Variants in KLHL5 observed in about 807,000 individuals in gnomAD.
KLHL5 encodes the protein kelch-like protein 5.
In KLHL5, 48 loss-of-function variants were observed where a neutral mutation model predicts 77.7. That is an observed-to-expected ratio of 0.62 (90% CI 0.49 to 0.79). The LOEUF (loss-of-function observed/expected upper bound fraction) is 0.79. Among genes scored for constraint, KLHL5 ranks in the 30% least tolerant of loss-of-function variants. The pLI is 0.00. For missense variants in KLHL5, 723 were observed against 859.7 expected (o/e 0.84, Z 1.99); for synonymous variants, 260 against 297.0 (o/e 0.88, Z 1.28).
chr4:39,049,586 C>T (rs375297906), intron 1 of KLHL5, among the ~76,000 whole-genome samples: 45 of 151,596 alleles, frequency 3.0e-4, no homozygotes, highest in African/African-American at 9.7e-4. Flanking sequence ...TCCTTGGGGG[C>T]GGGGGTAGGG....
At chr4:39,088,500 C>A (rs191678945) in intron 5 of KLHL5, among the ~76,000 whole-genome samples, 3 of 152,038 alleles carry the variant, frequency 2.0e-5, no homozygotes, top group African/African-American at 7.3e-5. Flanking sequence ...GGACTTGAAC[C>A]CAAGTACAGT....
At chr4:39,076,323 G>GGT (rs1719035074) in intron 2 of KLHL5, among the ~76,000 whole-genome samples, 176 bp downstream of exon 2, 1 of 152,106 alleles carries the variant, frequency 6.6e-6, no homozygotes, top group African/African-American at 2.4e-5. Flanking sequence ...GATCCTAAAA[G>GGT]GGTCATTTTC....
chr4:39,097,116 G>C (rs1056752107), intron 6 of KLHL5, among the ~76,000 whole-genome samples: 1 of 152,042 alleles, frequency 6.6e-6, no homozygotes, highest in Non-Finnish European at 1.5e-5. Flanking sequence ...GTACAAATCT[G>C]GGATAATTTG....
At chr4:39,046,443 A>G (rs1716194579) in intron 1 of KLHL5, among the ~76,000 whole-genome samples, 1 of 152,160 alleles carries the variant, frequency 6.6e-6, no homozygotes, top group Non-Finnish European at 1.5e-5. Flanking sequence ...AGAAAAAGGA[A>G]CAACATAAGT....
At chr4:39,095,955 A>G (rs986413600) in intron 5 of KLHL5, among the ~76,000 whole-genome samples, 8 of 152,066 alleles carry the variant, frequency 5.3e-5, no homozygotes, top group African/African-American at 1.9e-4. Context: ...GAAAGGCTGC[A>G]CACCAGGTTG....
chr4:39,055,076 C>A (rs974168176), intron 1 of KLHL5, among the ~76,000 whole-genome samples: 1 of 152,182 alleles, frequency 6.6e-6, no homozygotes, highest in Non-Finnish European at 1.5e-5. Context: ...AAAATTCTAT[C>A]AAGTTGGATA....
At chr4:39,060,320 G>C (rs1299694830), upstream of KLHL5, among the ~76,000 whole-genome samples, 1 of 152,132 alleles carries the variant, frequency 6.6e-6, no homozygotes. Context: ...ATTACCATGG[G>C]AATGAGTGGA....
chr4:39,127,574 C>A (rs982352620), downstream of KLHL5, among the ~76,000 whole-genome samples: 2 of 152,098 alleles, frequency 1.3e-5, no homozygotes, highest in Non-Finnish European at 2.9e-5. Flanking sequence ...TCAGCCTCAG[C>A]CTCTCAGTAG....
At chr4:39,099,402 C>T (rs1721352543) in intron 6 of KLHL5, among the ~76,000 whole-genome samples, 1 of 152,156 alleles carries the variant, frequency 6.6e-6, no homozygotes, top group Non-Finnish European at 1.5e-5. Context: ...GCATTGATCT[C>T]CCCTTTCTTT....
chr4:39,110,872 T>C (rs1722409517), intron 8 of KLHL5, among the ~76,000 whole-genome samples: 2 of 152,206 alleles, frequency 1.3e-5, no homozygotes, highest in Admixed American at 1.3e-4. Context: ...ATAATATTTC[T>C]CTTTTTATTG....
At chr4:39,084,909 T>G (rs2109397983) in intron 4 of KLHL5, among the ~76,000 whole-genome samples, 1 of 152,332 alleles carries the variant, frequency 6.6e-6, no homozygotes, top group South Asian at 2.1e-4. Flanking sequence ...TAATGCTTAT[T>G]TAATATACAG....
chr4:39,111,516 G>A (rs1306685726), intron 8 of KLHL5, among the ~76,000 whole-genome samples: 1 of 151,026 alleles, frequency 6.6e-6, no homozygotes, highest in Non-Finnish European at 1.5e-5. Flanking sequence ...GTGTGCACAC[G>A]TGTGCACACA....
chr4:39,065,510 C>A (rs749841005), intron 1 of KLHL5, among the ~76,000 whole-genome samples: 2 of 151,920 alleles, frequency 1.3e-5, no homozygotes, highest in Admixed American at 6.6e-5. Context: ...TGTGCCACCA[C>A]TCCCGGCTAA....
chr4:39,093,252 C>T (rs1413924800), intron 5 of KLHL5: 3 of 429,476 alleles, frequency 7.0e-6, no homozygotes, highest in South Asian at 3.3e-5. Flanking sequence ...AAGCAAGACA[C>T]CAGAGTCTCC....
At chr4:39,136,700 G>A in the KLHL5 span, among the ~76,000 whole-genome samples, 2 of 152,194 alleles carry the variant, frequency 1.3e-5, no homozygotes, top group Non-Finnish European at 2.9e-5. Context: ...TAGGATGAGG[G>A]AGATATCCAC....
At chr4:39,053,972 G>C (rs1716837962) in intron 1 of KLHL5, among the ~76,000 whole-genome samples, 1 of 152,110 alleles carries the variant, frequency 6.6e-6, no homozygotes, top group African/African-American at 2.4e-5. Context: ...TGTCATTTTG[G>C]CATTTAACTG....
intron 5 of KLHL5, chr4:39,093,352 A>G: frequency 2.2e-6 from 1 of 454,054 alleles, no homozygotes; most frequent in Non-Finnish European, 4.4e-6. Context: ...GGGAATGAGG[A>G]TCAACAGTAA....
chr4:39,074,746 TA>T (rs1415998106), intron 1 of KLHL5, among the ~76,000 whole-genome samples: 1 of 150,856 alleles, frequency 6.6e-6, no homozygotes, highest in Non-Finnish European at 1.5e-5. Flanking sequence ...TTGATAAGGT[TA>T]TTATATTAAC....
At chr4:39,128,095 G>A (rs1176112040), downstream of KLHL5, among the ~76,000 whole-genome samples, 1 of 152,110 alleles carries the variant, frequency 6.6e-6, no homozygotes, top group Non-Finnish European at 1.5e-5. Flanking sequence ...TACAGTAATA[G>A]ATGATAAAAC....
Sources: allele counts gnomAD v4.1 joint callset (sites outside exome capture counted in the v4.1 genomes callset), GRCh38; gene constraint gnomAD v4.1.1; transcripts MANE v1.5; gene names NCBI Gene and HGNC (gene_info 2026-07-23, HGNC 2026-07-21).